Variants in TLE6 observed in about 807,000 individuals in gnomAD.
TLE6 encodes transducin-like enhancer protein 6.
In TLE6, 72 loss-of-function variants were observed where a neutral mutation model predicts 77.1. The ratio of observed to expected loss-of-function variants is 0.93; its 90% CI spans 0.77 to 1.14. The LOEUF (loss-of-function observed/expected upper bound fraction) is 1.14. Ranked by LOEUF, TLE6 falls within the 50% of genes most tolerant of loss-of-function variation. The pLI is 0.00. For synonymous variants in TLE6, 366 were observed against 287.3 expected, an observed-to-expected ratio of 1.27 and a Z score of -2.77; for missense variants, 843 against 747.6, an observed-to-expected ratio of 1.13 and a Z score of -1.49.
chr19:2,989,984 G>A (rs1453439182), intron 13 of TLE6, among the ~76,000 whole-genome samples, 199 bp downstream of exon 13: 1 of 152,110 alleles, frequency 6.6e-6, no homozygotes, highest in Non-Finnish European at 1.5e-5. Context: ...ATCTTGGCTG[G>A]ACTGCGTTCC....
chr19:2,980,185 G>A lies in TLE6; in HGVS notation c.134+3G>A, dbSNP rs528473855. 5.8e-6 allele frequency: 9 copies of A among 1,546,682 alleles called. No individual in the cohort carries two copies. The South Asian group carries it at 1.1e-4, about 18-fold the overall frequency. Reference sequence around the variant, plus strand: ...AATCGGCTCAAGCAGTTCCCCAGGTGAGAGCAATTCCAGGGGCCGGAGGTC... The same window carrying A: ...AATCGGCTCAAGCAGTTCCCCAGGTAAGAGCAATTCCAGGGGCCGGAGGTC... On this transcript the variant is annotated splice_donor_region_variant and intron_variant, in intron 3 of 16. Coordinates refer to ENST00000246112, the MANE Select transcript of TLE6 (RefSeq NM_001143986.2).
intron 14 of TLE6, among the ~76,000 whole-genome samples, chr19:2,992,651 T>TGGG (rs2089096362): frequency 6.6e-6 from 1 of 151,172 alleles, no homozygotes; most frequent in South Asian, 2.1e-4. Context: ...GGCACGTACC[T>TGGG]GGGGTCGCAG....
intron 5 of TLE6, among the ~76,000 whole-genome samples, chr19:2,983,241 A>G (rs2088835698): frequency 6.6e-6 from 1 of 152,192 alleles, no homozygotes; most frequent in East Asian, 1.9e-4. Flanking sequence ...CTCCTTGCCA[A>G]ATACTGTTGT....
chr19:2,981,618 G>A (rs1022914110), intron 4 of TLE6, 35 bp downstream of exon 4: 1 of 1,549,734 alleles, frequency 6.5e-7, no homozygotes, highest in Admixed American at 2.0e-5. Context: ...ACCAAGGAGG[G>A]CCCCACTGGG....
At position 2,980,667 on chromosome 19, in the gene TLE6, C is replaced by T. The variant is rs967726141; in HGVS notation, c.134+485C>T. ...AGGAGAATCTCTTGAACCCAGGAGG[C>T]GGAGGGTTGCAGTGAGCCAGGATCA... On this transcript the variant is annotated intron_variant, in intron 3 of 16. Transcript: ENST00000246112. 3.4e-5 allele frequency among the ~76,000 whole-genome samples: 5 copies of T among 147,030 alleles called. No individual in the cohort carries two copies. In the South Asian group the frequency reaches 8.7e-4, roughly 26 times the overall value.
At position 2,993,588 on chromosome 19, in the gene TLE6, C is replaced by A. The variant is rs369721091; in HGVS notation, c.1537+6C>A. 1.4e-5 allele frequency: 22 copies of A among 1,545,794 alleles called. No individual in the cohort carries two copies. Among genetic ancestry groups the A allele is most frequent in the African/African-American group, 2.7e-5 (2 of 72,758 alleles). On this transcript the variant is annotated splice_donor_region_variant and intron_variant, in intron 15 of 16. Coordinates refer to ENST00000246112, the MANE Select transcript of TLE6 (RefSeq NM_001143986.2). ...CGTCAAGTTCTCCCCCTTTGGTAAGCGGCTGGCGGAAGATGAGGGGACTCC... is the reference window on the plus strand; with the variant it reads ...CGTCAAGTTCTCCCCCTTTGGTAAGAGGCTGGCGGAAGATGAGGGGACTCC...
chr19:2,977,918 C>T (rs1446811834), intron 1 of TLE6, among the ~76,000 whole-genome samples: 2 of 152,068 alleles, frequency 1.3e-5, no homozygotes, highest in African/African-American at 4.8e-5. Flanking sequence ...CCCTGACTGC[C>T]CCCAGCAGGG....
chr19:2,995,010 C>A lies in TLE6; in HGVS notation c.*6C>A. Reference sequence around the variant, plus strand: ...TGTACCAGATCACCTACTGAGGGGCCTCGCTGCTGTCATCCCACTCCGGCT... The same window carrying A: ...TGTACCAGATCACCTACTGAGGGGCATCGCTGCTGTCATCCCACTCCGGCT... On this transcript the variant is annotated 3_prime_UTR_variant, in exon 17 of 17. Coordinates refer to ENST00000246112, the MANE Select transcript of TLE6 (RefSeq NM_001143986.2). The A allele has an allele frequency of 6.3e-7, 1 of 1,583,546 alleles. No individual in the cohort carries two copies. Among genetic ancestry groups the A allele is most frequent in the Non-Finnish European group, 8.6e-7 (1 of 1,161,522 alleles).
chr19:2,989,016 G>A (rs1340705166), intron 11 of TLE6, 45 bp from the exon 12 acceptor site: 1 of 1,603,114 alleles, frequency 6.2e-7, no homozygotes, highest in Non-Finnish European at 8.5e-7. Context: ...ACTGGGCAAA[G>A]GGGCTCACAA....
In TLE6 at chr19:2,982,556, A is replaced by C. The variant is rs550703753; in HGVS notation, c.222+367A>C. On this transcript the variant is annotated intron_variant, in intron 5 of 16. Transcript: ENST00000246112. ...GTCTCAAAAAAAAAAAAAAAAAAAA[A>C]AGGAGGTGGGGGATGGTGAAGACAG... Among the ~76,000 whole-genome samples, 10 of 150,270 alleles carry C rather than the reference A, an allele frequency of 6.7e-5. No individual in the cohort carries two copies. In the South Asian group the frequency reaches 1.5e-3, roughly 22 times the overall value.
Position 2,995,065 on chromosome 19 carries a change from C to A in TLE6, c.*61C>A, listed in dbSNP as rs75006494. ...TTTTCATCCCCCCCCTTCCCCCCCC[C>A]CAACAAGGGGGACATGGTGGAGGGA... On this transcript the variant is annotated 3_prime_UTR_variant, in exon 17 of 17. Transcript: ENST00000246112. 89 of 1,025,416 alleles carry A rather than the reference C, an allele frequency of 8.7e-5. No individual in the cohort carries two copies. The highest frequency in any genetic ancestry group is 3.1e-4 in the Middle Eastern group (1 of 3,272). 63.5% of individuals were successfully genotyped at this position (1,025,416 alleles called of 1,614,324 possible).
intron 3 of TLE6, 101 bp downstream of exon 3, chr19:2,980,283 A>C: frequency 2.2e-6 from 2 of 920,524 alleles, no homozygotes; most frequent in Admixed American, 4.9e-5. Flanking sequence ...CTGCTGGCCC[A>C]AGAGCCAGGC....
chr19:2,980,609 GC>G (rs2088778399), intron 3 of TLE6, among the ~76,000 whole-genome samples: 1 of 151,734 alleles, frequency 6.6e-6, no homozygotes. Flanking sequence ...GGTGGTGGGT[GC>G]CTGTAATCCC....
chr19:2,982,964 C>T lies in TLE6; in HGVS notation c.222+775C>T, dbSNP rs1316582631. Among the ~76,000 whole-genome samples the T allele has an allele frequency of 1.1e-4, 16 of 152,170 alleles. No individual in the cohort carries two copies. In the South Asian group the frequency reaches 2.7e-3, roughly 26 times the overall value. ...GAGGGGAGCTCTGCATGGGAGGGGG[C>T]GCCCGGGCTCCCATCTCCCAGCCCA... is the stretch of plus-strand genomic sequence containing the variant. On this transcript the variant is annotated intron_variant, in intron 5 of 16. Transcript: ENST00000246112.
Position 2,986,990 on chromosome 19 carries a change from C to A in TLE6, c.293C>A (p.Pro98His). ...LQGFQSEEVS[P>H]AEPASPGTPQ... is the part of the protein sequence containing the mutation. ...TTGTTCCTGCCGGGCCAGGTCTCAC[C>A]TGCTGAACCAGCCAGCCCTGGGACG... The change falls in exon 7 of 17, where the codon CCT becomes CAT. Residue 98 changes from proline (P) to histidine (H), a missense_variant. Pro to His is a moderately conservative substitution (Grantham distance 77). Coordinates refer to ENST00000246112, the MANE Select transcript of TLE6 (RefSeq NM_001143986.2). The A allele has an allele frequency of 1.2e-6, 2 of 1,611,678 alleles. No homozygotes were observed. Among genetic ancestry groups the A allele is most frequent in the Non-Finnish European group, 1.7e-6 (2 of 1,178,514 alleles).
In TLE6 at chr19:2,995,056, T is replaced by G; in HGVS notation, c.*52T>G. ...CGGCTCCTCTTTTCATCCCCCCCCT[T>G]CCCCCCCCCCAACAAGGGGGACATG... On this transcript the variant is annotated 3_prime_UTR_variant, in exon 17 of 17. Transcript: ENST00000246112. The G allele has an allele frequency of 3.6e-6, 3 of 827,276 alleles. No individual in the cohort carries two copies. The highest frequency in any genetic ancestry group is 2.3e-5 in the Admixed American group (1 of 42,672). 51.2% of individuals were successfully genotyped at this position (827,276 alleles called of 1,614,324 possible). A position where few individuals can be genotyped will look rare whatever the true frequency, so the allele number is the denominator to read the frequency against.
Position 2,981,580 on chromosome 19 carries a change from C to T in TLE6, c.177C>T (p.Tyr59=). 1.3e-6 allele frequency: 2 copies of T among 1,551,530 alleles called. No individual in the cohort carries two copies. Among genetic ancestry groups the T allele is most frequent in the Non-Finnish European group, 1.7e-6 (2 of 1,146,950 alleles). Residue 59 remains tyrosine (Y), a synonymous_variant, in exon 4 of 17, where the codon TAC becomes TAT. Transcript: ENST00000246112. ...HFAAELESIY[Y]SLHKIQQDVA... is the part of the protein sequence containing the mutation. ...CTGCGGAGTTGGAGAGCATTTACTA[C>T]TCGGTGAGCCAGACCCAGGCAGCCC... is the stretch of plus-strand genomic sequence containing the variant.
intron 9 of TLE6, 44 bp from the exon 10 acceptor site, chr19:2,987,854 A>G: frequency 6.2e-7 from 1 of 1,613,512 alleles, no homozygotes; most frequent in Non-Finnish European, 8.5e-7. Context: ...TCCTGTGCTG[A>G]GGAGCCAATG....
intron 3 of TLE6, 107 bp downstream of exon 3, chr19:2,980,289 C>A: frequency 1.2e-6 from 1 of 864,616 alleles, no homozygotes; most frequent in Non-Finnish European, 1.8e-6. Context: ...GCCCAAGAGC[C>A]AGGCTCAGGA....
Sources: allele counts gnomAD v4.1 joint callset (sites outside exome capture counted in the v4.1 genomes callset), GRCh38; gene constraint gnomAD v4.1.1; transcripts MANE v1.5; gene names NCBI Gene and HGNC (gene_info 2026-07-23, HGNC 2026-07-21).